VAV3: variants seen among roughly 807,000 people sequenced by gnomAD.
The protein encoded by VAV3 is guanine nucleotide exchange factor VAV3.
VAV3 carries 94 observed loss-of-function variants against 131.2 expected under a neutral mutation model. That is an observed-to-expected ratio of 0.72 (90% CI 0.61 to 0.85). The LOEUF is 0.85. Among genes scored for constraint, VAV3 ranks in the 40% least tolerant of loss-of-function variants. The pLI is 0.00. For missense variants in VAV3, 939 were observed against 1,002.7 expected, an observed-to-expected ratio of 0.94 and a Z score of 0.86; for synonymous variants, 349 against 342.0, an observed-to-expected ratio of 1.02 and a Z score of -0.22.
At chr1:107,749,936 A>C (rs978482055) in intron 13 of VAV3, among the ~76,000 whole-genome samples, 2 of 152,188 alleles carry the variant, frequency 1.3e-5, no homozygotes, top group African/African-American at 4.8e-5. Flanking sequence ...AAAGCTAAAA[A>C]CCTATAGAAT....
At chr1:107,820,377 C>G (rs1487290988) in intron 2 of VAV3, among the ~76,000 whole-genome samples, 1 of 152,096 alleles carries the variant, frequency 6.6e-6, no homozygotes, top group African/African-American at 2.4e-5. Context: ...ACAAACTTCA[C>G]ATGTTCTCAC....
At chr1:107,825,473 C>G (rs1369098908) in intron 2 of VAV3, among the ~76,000 whole-genome samples, 1 of 151,966 alleles carries the variant, frequency 6.6e-6, no homozygotes, top group Non-Finnish European at 1.5e-5. Context: ...AAAAAACTGC[C>G]TAAGCCTATT....
chr1:107,602,301 G>T, intron 24 of VAV3, 96 bp downstream of exon 24: 1 of 852,864 alleles, frequency 1.2e-6, no homozygotes, highest in African/African-American at 1.8e-5. Context: ...TAACTTTTCA[G>T]TGAGCAAAAT....
intron 9 of VAV3, among the ~76,000 whole-genome samples, chr1:107,763,181 C>T (rs1171849257): frequency 6.6e-6 from 1 of 152,202 alleles, no homozygotes; most frequent in Non-Finnish European, 1.5e-5. Flanking sequence ...CTTAATACTT[C>T]CAAATCAGGA....
intron 1 of VAV3, among the ~76,000 whole-genome samples, chr1:107,951,645 A>G (rs114755491): frequency 0.028 from 4,287 of 152,254 alleles, 97 homozygotes; most frequent in East Asian, 0.1. Context: ...AAACACCATT[A>G]AAAAGTGGGC....
At chr1:107,880,039 A>G (rs1670690820) in intron 1 of VAV3, among the ~76,000 whole-genome samples, 1 of 152,236 alleles carries the variant, frequency 6.6e-6, no homozygotes, top group African/African-American at 2.4e-5. Context: ...TGGGTACAAG[A>G]AAAGCAAACA....
intron 15 of VAV3, among the ~76,000 whole-genome samples, chr1:107,709,996 G>C (rs1413002735): frequency 6.6e-6 from 1 of 152,140 alleles, no homozygotes; most frequent in African/African-American, 2.4e-5. Flanking sequence ...AAGTATGACA[G>C]TGTAGTTAGT....
intron 17 of VAV3, among the ~76,000 whole-genome samples, chr1:107,697,684 C>T (rs1366062000): frequency 2.6e-5 from 4 of 152,082 alleles, no homozygotes; most frequent in Non-Finnish European, 4.4e-5. Context: ...GTTTCTTCAT[C>T]TTAAAATAAG....
chr1:107,777,536 A>C, intron 3 of VAV3: 1 of 553,022 alleles, frequency 1.8e-6, no homozygotes, highest in Non-Finnish European at 3.2e-6. Context: ...AAGCAATTAC[A>C]GCTGGTCACC....
chr1:107,743,437 A>T (rs1343202830), intron 15 of VAV3, among the ~76,000 whole-genome samples: 1 of 152,210 alleles, frequency 6.6e-6, no homozygotes, highest in Non-Finnish European at 1.5e-5. Flanking sequence ...GTTGATCCTT[A>T]AGTAAATGGG....
intron 2 of VAV3, among the ~76,000 whole-genome samples, chr1:107,860,436 TAC>T (rs909769271): frequency 4.1e-5 from 6 of 145,078 alleles, no homozygotes; most frequent in African/African-American, 1.5e-4. Flanking sequence ...TTTTCCAAAT[TAC>T]CACTGGGAAC....
intron 15 of VAV3, among the ~76,000 whole-genome samples, chr1:107,737,815 G>C (rs1476397215): frequency 6.6e-6 from 1 of 152,134 alleles, no homozygotes; most frequent in Admixed American, 6.5e-5. Flanking sequence ...CAATGATCTA[G>C]AACTAGAAAT....
At chr1:107,575,040 G>A (rs1055825414) in intron 25 of VAV3, among the ~76,000 whole-genome samples, 12 of 145,086 alleles carry the variant, frequency 8.3e-5, no homozygotes, top group East Asian at 6.4e-4. Flanking sequence ...TTTAATATTC[G>A]ATGGCAGGAG....
chr1:107,614,788 G>A (rs1328205), intron 21 of VAV3, among the ~76,000 whole-genome samples: 3 of 151,944 alleles, frequency 2.0e-5, no homozygotes, highest in Non-Finnish European at 4.4e-5. Context: ...TACTTTGTGC[G>A]AGACTATCCC....
intron 1 of VAV3, among the ~76,000 whole-genome samples, chr1:107,959,764 C>T (rs1409308728): frequency 1.3e-5 from 2 of 152,112 alleles, no homozygotes; most frequent in African/African-American, 4.8e-5. Flanking sequence ...CCTACATCTC[C>T]AACTCCTCCA....
intron 2 of VAV3, among the ~76,000 whole-genome samples, chr1:107,784,061 AATAT>A (rs10539411): frequency 1.2e-4 from 18 of 148,608 alleles, no homozygotes; most frequent in East Asian, 2.0e-4. Context: ...CCCTATCTCA[AATAT>A]ATATATATAT....
At chr1:107,658,581 C>G (rs968351824) in intron 19 of VAV3, among the ~76,000 whole-genome samples, 1 of 151,886 alleles carries the variant, frequency 6.6e-6, no homozygotes, top group Admixed American at 6.6e-5. Context: ...TAAAAGTCTT[C>G]CTATTTCTCC....
intron 1 of VAV3, among the ~76,000 whole-genome samples, chr1:107,895,699 G>A (rs1261717026): frequency 6.6e-6 from 1 of 152,120 alleles, no homozygotes; most frequent in African/African-American, 2.4e-5. Flanking sequence ...CTGTACACTT[G>A]TAAAAGACTT....
At chr1:107,840,821 G>A (rs1668669261) in intron 2 of VAV3, among the ~76,000 whole-genome samples, 2 of 152,016 alleles carry the variant, frequency 1.3e-5, no homozygotes, top group African/African-American at 4.8e-5. Flanking sequence ...TATAAGTACA[G>A]CATATTTCAG....
Sources: allele counts gnomAD v4.1 joint callset (sites outside exome capture counted in the v4.1 genomes callset), GRCh38; gene constraint gnomAD v4.1.1; transcripts MANE v1.5; gene names NCBI Gene and HGNC (gene_info 2026-07-23, HGNC 2026-07-21).